Variants in CPEB1 observed in about 807,000 individuals in gnomAD.
CPEB1 encodes the protein cytoplasmic polyadenylation element binding protein 1.
In CPEB1, 7 loss-of-function variants were observed where a neutral mutation model predicts 65.8. The observed-to-expected ratio is 0.11, with a 90% CI of 0.06 to 0.20. The LOEUF is 0.20. Ranked by LOEUF, CPEB1 falls within the 10% of genes least tolerant of loss-of-function variation. CPEB1 has a pLI of 1.00. For missense variants in CPEB1, 551 were observed against 712.2 expected (o/e 0.77, Z 2.58); for synonymous variants, 262 against 260.0 (o/e 1.01, Z -0.08).
rs1340556245 is a variant in CPEB1 at position 82,554,694 on chromosome 15, C to T, written c.941-703G>A. On this transcript the variant is annotated intron_variant, in intron 6 of 12. Transcript: ENST00000684509. ...TTAGTGAGGACTAGCTAGTTCTTGC[C>T]CATTTATTTCACCCTCCTCTTTCAG... Among the ~76,000 whole-genome samples the T allele has an allele frequency of 2.6e-4, 39 of 152,168 alleles. 2 individuals are homozygous for T. Among genetic ancestry groups the T allele is most frequent in the Middle Eastern group, 3.2e-3 (1 of 316 alleles).
chr15:82,647,584 G>A (rs587736582), upstream of CPEB1: 38 of 319,304 alleles, frequency 1.2e-4, no homozygotes, highest in Admixed American at 1.5e-3. Flanking sequence ...GGAGGCCGCA[G>A]TGCGGCTCGG....
At chr15:82,593,009 A>G (rs1392271810) in intron 3 of CPEB1, among the ~76,000 whole-genome samples, 1 of 152,160 alleles carries the variant, frequency 6.6e-6, no homozygotes, top group Non-Finnish European at 1.5e-5. Context: ...AAAAAGAAAA[A>G]AGAAACTTAA....
chr15:82,587,901 C>A (rs900110841), intron 3 of CPEB1, among the ~76,000 whole-genome samples: 1 of 151,328 alleles, frequency 6.6e-6, no homozygotes, highest in African/African-American at 2.4e-5. Flanking sequence ...ATGAGGATAA[C>A]GGCCAAATTT....
At chr15:82,570,030 T>G (rs549904872) in intron 4 of CPEB1, among the ~76,000 whole-genome samples, 1 of 152,158 alleles carries the variant, frequency 6.6e-6, no homozygotes, top group African/African-American at 2.4e-5. Flanking sequence ...TGGAAAAACC[T>G]GAGTCAGCAG....
chr15:82,617,695 T>C (rs1451328920), intron 3 of CPEB1, among the ~76,000 whole-genome samples: 1 of 151,848 alleles, frequency 6.6e-6, no homozygotes, highest in Non-Finnish European at 1.5e-5. Context: ...TTTGTAACTT[T>C]TCTATTAATT....
Position 82,634,551 on chromosome 15 carries a change from T to C in CPEB1, c.-97-5995A>G, listed in dbSNP as rs1021213934. 3.9e-5 allele frequency among the ~76,000 whole-genome samples: 6 copies of C among 152,332 alleles called. No individual in the cohort carries two copies. In the East Asian group the frequency reaches 1.2e-3, roughly 29 times the overall value. On this transcript the variant is annotated intron_variant, in intron 1 of 12. Transcript: ENST00000684509. ...GACTATTACTATTAATCATGTACAA[T>C]GGATTAATAGCCAGTTGAGAAATTT...
chr15:82,545,352 T>C (rs545943128), intron 12 of CPEB1, among the ~76,000 whole-genome samples: 2 of 152,200 alleles, frequency 1.3e-5, no homozygotes, highest in Admixed American at 1.3e-4. Context: ...AGTTTAACCA[T>C]ATTCAGAGAC....
intron 9 of CPEB1, 143 bp from the exon 10 acceptor site, chr15:82,549,801 G>T: frequency 1.3e-6 from 1 of 742,690 alleles, no homozygotes; most frequent in Non-Finnish European, 2.2e-6. Flanking sequence ...CCCAATCTCA[G>T]GCACACAGGC....
At chr15:82,576,174 T>C (rs1047464650) in intron 3 of CPEB1, among the ~76,000 whole-genome samples, 1 of 152,200 alleles carries the variant, frequency 6.6e-6, no homozygotes, top group African/African-American at 2.4e-5. Context: ...AAGATAATTA[T>C]GGTGAGTGGA....
intron 3 of CPEB1, among the ~76,000 whole-genome samples, chr15:82,579,965 A>G (rs1433143840): frequency 6.9e-6 from 1 of 144,860 alleles, no homozygotes; most frequent in Non-Finnish European, 1.5e-5. Context: ...AAAGACTCTC[A>G]AGCACAAAAT....
At chr15:82,598,951 TTAAAAG>T (rs1189307009) in intron 3 of CPEB1, among the ~76,000 whole-genome samples, 1 of 151,870 alleles carries the variant, frequency 6.6e-6, no homozygotes, top group African/African-American at 2.4e-5. Flanking sequence ...CCCATAAAAA[TTAAAAG>T]TAAAAAAATT....
chr15:82,577,502 C>T (rs1172808372), intron 3 of CPEB1, among the ~76,000 whole-genome samples: 1 of 152,092 alleles, frequency 6.6e-6, no homozygotes, highest in Admixed American at 6.5e-5. Context: ...TAGTAGTAAT[C>T]TCAAATCTGT....
At chr15:82,579,966 A>G (rs1387768768) in intron 3 of CPEB1, among the ~76,000 whole-genome samples, 8 of 145,670 alleles carry the variant, frequency 5.5e-5, no homozygotes, top group Non-Finnish European at 1.1e-4. Context: ...AAGACTCTCA[A>G]GCACAAAATA....
intron 4 of CPEB1, among the ~76,000 whole-genome samples, chr15:82,568,543 T>C (rs1425672317): frequency 6.6e-6 from 1 of 152,062 alleles, no homozygotes; most frequent in Non-Finnish European, 1.5e-5. Context: ...CAGGTACAAT[T>C]CTCAAAAACA....
chr15:82,566,937 A>C (rs2039229705), intron 4 of CPEB1, among the ~76,000 whole-genome samples: 1 of 152,072 alleles, frequency 6.6e-6, no homozygotes, highest in South Asian at 2.1e-4. Context: ...CTAAATCAAC[A>C]CAAGCAGGAG....
upstream of CPEB1, chr15:82,647,799 G>A (rs2047708072): frequency 3.1e-6 from 4 of 1,271,360 alleles, no homozygotes; most frequent in African/African-American, 1.6e-5. Flanking sequence ...CGCGCGGACC[G>A]TTAGCTACTG....
rs1596009899 is a variant in CPEB1 at position 82,556,003 on chromosome 15, T to C, written c.807A>G (p.Ala269=). The change falls in exon 6 of 13, where the codon GCA becomes GCG. Residue 269 remains alanine, a synonymous_variant. Coordinates refer to ENST00000684509, the MANE Select transcript of CPEB1 (RefSeq NM_001365242.1). The part of the protein sequence containing the change: ...RMDQEQAALA[A]VTPSPTSASK... ...AAGCACTGGTTGGGGAGGGAGTGAC[T>C]GCAGCAAGAGCAGCTTGCTCTTGGT... The C allele has an allele frequency of 2.5e-6, 4 of 1,613,676 alleles. No homozygotes were observed. The East Asian group carries it at 6.7e-5, about 27-fold the overall frequency.
At position 82,552,395 on chromosome 15, in the gene CPEB1, G is replaced by A. The variant is rs1335729397; in HGVS notation, c.1281+85C>T. The A allele has an allele frequency of 2.0e-5, 28 of 1,366,650 alleles. 1 individual carries two copies. The Admixed American group carries it at 7.4e-4, about 36-fold the overall frequency. 84.7% of individuals were successfully genotyped at this position (1,366,650 alleles called of 1,614,324 possible). ...TCAGCAGGAATACTCCTTGCCTGCAGCCTGCCTATCCACCTACCACAAGAA... is the reference window on the plus strand; with the variant it reads ...TCAGCAGGAATACTCCTTGCCTGCAACCTGCCTATCCACCTACCACAAGAA... On this transcript the variant is annotated intron_variant, in intron 9 of 12. Transcript: ENST00000684509.
At chr15:82,573,551 A>T (rs1397003304) in intron 3 of CPEB1, among the ~76,000 whole-genome samples, 1 of 152,096 alleles carries the variant, frequency 6.6e-6, no homozygotes, top group Non-Finnish European at 1.5e-5. Flanking sequence ...TATCTATATA[A>T]TCCCCATACC....
Sources: allele counts gnomAD v4.1 joint callset (sites outside exome capture counted in the v4.1 genomes callset), GRCh38; gene constraint gnomAD v4.1.1; transcripts MANE v1.5; gene names NCBI Gene and HGNC (gene_info 2026-07-23, HGNC 2026-07-21).